ZC3H13: variants seen among roughly 807,000 people sequenced by gnomAD.
ZC3H13 encodes the protein zinc finger CCCH-type containing 13.
In ZC3H13, 64 loss-of-function variants were observed where a neutral mutation model predicts 204.1. The ratio of observed to expected loss-of-function variants is 0.31; its 90% confidence interval spans 0.26 to 0.39. ZC3H13 has a LOEUF of 0.39. ZC3H13 is among the 10% of genes least tolerant of loss of function. ZC3H13 has a pLI of 1.00. For missense variants in ZC3H13, 1,833 were observed against 2,082.7 expected (o/e 0.88, Z 2.33); for synonymous variants, 667 against 693.7 (o/e 0.96, Z 0.60).
In ZC3H13 at chr13:45,954,681, C is replaced by T. The variant is rs1172346573; in HGVS notation, c.*2446G>A. ...AAAGCATCACCAACAATAGTATGTA[C>T]CTTAATCTTTACACAATTGGACAGT... On this transcript the variant is annotated 3_prime_UTR_variant, in exon 19 of 19. Coordinates refer to ENST00000679008, the MANE Select transcript of ZC3H13 (RefSeq NM_001330564.2). The T allele has an allele frequency of 1.3e-5, 2 of 152,126 alleles. No homozygotes were observed. The highest frequency in any genetic ancestry group is 6.6e-5 in the Admixed American group (1 of 15,264). The allele number at this position is 152,126 out of a possible 1,614,324, so 9.4% of individuals were successfully genotyped here.
intron 4 of ZC3H13, among the ~76,000 whole-genome samples, chr13:46,041,010 A>C (rs929820722): frequency 6.6e-6 from 1 of 152,130 alleles, no homozygotes; most frequent in Admixed American, 6.5e-5. Context: ...CCACTTAATG[A>C]AAGTCTAGAA....
intron 8 of ZC3H13, among the ~76,000 whole-genome samples, chr13:45,994,188 C>T (rs577759007): frequency 6.6e-6 from 1 of 152,278 alleles, no homozygotes; most frequent in Admixed American, 6.5e-5. Context: ...TTTCTTTTCT[C>T]TAGCTTACTT....
chr13:45,982,691 C>A (rs1313030148), intron 10 of ZC3H13, among the ~76,000 whole-genome samples: 1 of 152,086 alleles, frequency 6.6e-6, no homozygotes, highest in Non-Finnish European at 1.5e-5. Context: ...CATCCCTAAT[C>A]TGAAAAATTG....
intron 4 of ZC3H13, among the ~76,000 whole-genome samples, chr13:46,023,493 T>TCGGC (rs938523977): frequency 6.6e-6 from 1 of 152,158 alleles, no homozygotes; most frequent in African/African-American, 2.4e-5. Flanking sequence ...GGCATATTAA[T>TCGGC]CGGCTAGTGT....
At chr13:46,046,740 T>TA (rs961327605) in intron 1 of ZC3H13, among the ~76,000 whole-genome samples, 5 of 152,068 alleles carry the variant, frequency 3.3e-5, no homozygotes, top group Admixed American at 2.0e-4. Context: ...GAAACTATAG[T>TA]AAAAATCTAA....
At chr13:46,044,500 T>C (rs992309424) in intron 3 of ZC3H13, among the ~76,000 whole-genome samples, 2 of 152,110 alleles carry the variant, frequency 1.3e-5, no homozygotes, top group African/African-American at 4.8e-5. Context: ...CATACTGTGC[T>C]AAGGGATTTG....
In ZC3H13 at chr13:46,011,545, T is replaced by C. The variant is rs374237280; in HGVS notation, c.458A>G (p.Asn153Ser). The C allele has an allele frequency of 8.3e-6, 13 of 1,573,422 alleles. No individual in the cohort carries two copies. Among genetic ancestry groups the C allele is most frequent in the East Asian group, 4.6e-5 (2 of 43,498 alleles). ...EWETNRDDSD[N>S]GDINYDYVHE... ...AACATAATCATAATTAATATCTCCA[T>C]TGTCAGAATCTTTAAAATAAAATTG... The change falls in exon 6 of 19, where the codon AAT becomes AGT. Residue 153 changes from asparagine (N) to serine (S), a missense_variant. Asn to Ser is a conservative substitution (Grantham distance 46). This residue lies in a region of ZC3H13 where 1,574 missense variants were observed against 1,757.2 expected (regional missense o/e 0.90). Coordinates refer to ENST00000679008, the MANE Select transcript of ZC3H13 (RefSeq NM_001330564.2).
chr13:45,989,231 C>T, intron 8 of ZC3H13, 134 bp from the exon 9 acceptor site: 1 of 928,454 alleles, frequency 1.1e-6, no homozygotes, highest in South Asian at 1.8e-5. Context: ...ATTCACAATG[C>T]TGTAAAATTC....
chr13:46,006,289 T>A (rs1027121553), intron 7 of ZC3H13, among the ~76,000 whole-genome samples: 2 of 151,888 alleles, frequency 1.3e-5, no homozygotes, highest in Non-Finnish European at 2.9e-5. Context: ...CAAGTTGTCC[T>A]CTAAAACTCT....
At chr13:46,033,560 T>G (rs997550445) in intron 4 of ZC3H13, among the ~76,000 whole-genome samples, 1 of 152,128 alleles carries the variant, frequency 6.6e-6, no homozygotes, top group Non-Finnish European at 1.5e-5. Flanking sequence ...ATCTGAATTA[T>G]TTGAATTCAT....
intron 4 of ZC3H13, among the ~76,000 whole-genome samples, chr13:46,024,767 T>C (rs778009187): frequency 4.6e-5 from 7 of 152,150 alleles, no homozygotes; most frequent in African/African-American, 9.7e-5. Flanking sequence ...TAGATGCATA[T>C]TGAATTTTCT....
chr13:45,979,550 T>C (rs2138084697), intron 11 of ZC3H13, among the ~76,000 whole-genome samples: 1 of 152,212 alleles, frequency 6.6e-6, no homozygotes, highest in African/African-American at 2.4e-5. Context: ...TTGTAAGCTA[T>C]TTGGGTAAGA....
chr13:45,957,072 G>C lies in ZC3H13; in HGVS notation c.*55C>G. 1 of 1,308,920 alleles carries C rather than the reference G, an allele frequency of 7.6e-7. No individual in the cohort carries two copies. The highest frequency in any genetic ancestry group is 9.9e-7 in the Non-Finnish European group (1 of 1,013,762). The allele number at this position is 1,308,920 out of a possible 1,614,324, so 81.1% of individuals were successfully genotyped here. On this transcript the variant is annotated 3_prime_UTR_variant, in exon 19 of 19. Coordinates refer to ENST00000679008, the MANE Select transcript of ZC3H13 (RefSeq NM_001330564.2). ...TGTCAAACCAAAGAACTTTGCAAAA[G>C]AATATGCACTGCTGAAGGAAGACAG...
In ZC3H13 at chr13:45,956,264, T is replaced by C. The variant is rs1348095184; in HGVS notation, c.*863A>G. ...GTAATTTTTTTCTTCAAAAGCCACA[T>C]TCCAAGAAGATGCCTTAAGTATCAA... On this transcript the variant is annotated 3_prime_UTR_variant, in exon 19 of 19. Coordinates refer to ENST00000679008, the MANE Select transcript of ZC3H13 (RefSeq NM_001330564.2). 2 of 152,190 alleles carry C rather than the reference T, an allele frequency of 1.3e-5. No homozygotes were observed. The highest frequency in any genetic ancestry group is 2.9e-5 in the Non-Finnish European group (2 of 68,010). The allele number at this position is 152,190 out of a possible 1,614,324, so 9.4% of individuals were successfully genotyped here.
At chr13:45,957,338 C>CATT (rs1951333752) in intron 18 of ZC3H13, 41 bp from the exon 19 acceptor site, 1 of 1,410,112 alleles carries the variant, frequency 7.1e-7, no homozygotes, top group Non-Finnish European at 9.4e-7. Flanking sequence ...AAAAGATGTA[C>CATT]ATTATTAGTA....
intron 8 of ZC3H13, among the ~76,000 whole-genome samples, chr13:45,997,703 G>C (rs547180809): frequency 6.6e-6 from 1 of 152,208 alleles, no homozygotes; most frequent in Non-Finnish European, 1.5e-5. Flanking sequence ...TAGCATTGTT[G>C]CATCTCCTAT....
chr13:46,005,147 C>T (rs1038200659), intron 7 of ZC3H13, among the ~76,000 whole-genome samples: 1 of 152,144 alleles, frequency 6.6e-6, no homozygotes, highest in Non-Finnish European at 1.5e-5. Flanking sequence ...AACATTATCC[C>T]TTGAAAATTA....
intron 8 of ZC3H13, among the ~76,000 whole-genome samples, chr13:45,994,366 C>A (rs1384551640): frequency 6.6e-6 from 1 of 152,180 alleles, no homozygotes; most frequent in African/African-American, 2.4e-5. Flanking sequence ...TGACCCCCTA[C>A]CCCTTCATTG....
intron 5 of ZC3H13, among the ~76,000 whole-genome samples, chr13:46,012,466 T>C (rs2041628733): frequency 6.6e-6 from 1 of 151,952 alleles, no homozygotes; most frequent in South Asian, 2.1e-4. Flanking sequence ...AATGAAGAAC[T>C]AAAAAAACAA....
Sources: gnomAD v4.1 joint callset for allele counts (sites outside exome capture counted in the v4.1 genomes callset) on GRCh38, gnomAD v4.1.1 for gene constraint, gnomAD v4.1.1 regional missense constraint, MANE v1.5 for transcripts, NCBI Gene and HGNC (gene_info 2026-07-23, HGNC 2026-07-21) for gene names.